The following SYPL1 variants were observed in gnomAD, a reference collection of about 807,000 sequenced individuals.
SYPL1 encodes synaptophysin like 1, also known as synaptophysin-like protein 1.
Under a neutral mutation model 23.7 loss-of-function variants are expected in SYPL1, and 6 were observed. The ratio of observed to expected loss-of-function variants is 0.25; its 90% CI spans 0.14 to 0.50. The LOEUF (loss-of-function observed/expected upper bound fraction) is 0.50. Among genes scored for constraint, SYPL1 ranks in the 20% least tolerant of loss-of-function variants. SYPL1 has a pLI of 0.98. For synonymous variants in SYPL1, 102 were observed against 104.5 expected (o/e 0.98, Z 0.15); for missense variants, 253 against 288.9 (o/e 0.88, Z 0.90).
chr7:106,106,822 G>A (rs1236840287), intron 1 of SYPL1, among the ~76,000 whole-genome samples: 1 of 152,130 alleles, frequency 6.6e-6, no homozygotes, highest in African/African-American at 2.4e-5. Context: ...CTCCAGCCTG[G>A]GTGACAAGAG....
At chr7:106,092,581 G>A (rs1322883119) in intron 4 of SYPL1, 1 of 335,628 alleles carries the variant, frequency 3.0e-6, no homozygotes, top group Non-Finnish European at 5.7e-6. Flanking sequence ...GCTGAGGTAG[G>A]AGAATCACTT....
Position 106,091,425 on chromosome 7 carries a change from A to G in SYPL1, c.*380T>C, listed in dbSNP as rs1317654869. On this transcript the variant is annotated 3_prime_UTR_variant, in exon 5 of 5. Transcript: ENST00000455385. This position sits in a 1 kb window ranked among gnomAD's most constrained non-coding sequence, Gnocchi z 5.0. ...TATATGATCTGTACAAACTTACAGT[A>G]GTGTATATTCCAAATAAAGGTTTTT... is the stretch of plus-strand genomic sequence containing the variant. 1 of 165,708 alleles carries G rather than the reference A, an allele frequency of 6.0e-6. No homozygotes were observed. Among genetic ancestry groups the G allele is most frequent in the African/African-American group, 2.4e-5 (1 of 41,710 alleles). The allele number at this position is 165,708 out of a possible 1,614,324, so 10.3% of individuals were successfully genotyped here.
intron 2 of SYPL1, 110 bp from the exon 3 acceptor site, chr7:106,098,007 T>C (rs909820509): frequency 3.4e-6 from 3 of 893,986 alleles, no homozygotes; most frequent in Admixed American, 5.8e-5. Flanking sequence ...ATTAAAAACA[T>C]TCCTTTGGGG....
chr7:106,098,471 G>T (rs1281692984), intron 2 of SYPL1, among the ~76,000 whole-genome samples: 1 of 152,124 alleles, frequency 6.6e-6, no homozygotes, highest in East Asian at 1.9e-4. Context: ...TTTAATATGG[G>T]GATTTTATTT....
At chr7:106,103,855 G>A (rs749004582) in intron 1 of SYPL1, among the ~76,000 whole-genome samples, 32 of 152,136 alleles carry the variant, frequency 2.1e-4, no homozygotes, top group Non-Finnish European at 4.6e-4. Flanking sequence ...ATCTGATCAT[G>A]TCCTTCCCAT....
rs1475587167 is a variant in SYPL1, at chr7:106,104,767, A to G, written c.70-5485T>C. Among the ~76,000 whole-genome samples the G allele has an allele frequency of 6.6e-6, 1 of 152,220 alleles. No homozygotes were observed. Among genetic ancestry groups the G allele is most frequent in the Admixed American group, 6.5e-5 (1 of 15,284 alleles). On this transcript the variant is annotated intron_variant, in intron 1 of 4. Coordinates refer to ENST00000455385, the MANE Select transcript of SYPL1 (RefSeq NM_182715.4). This position sits in a 1 kb window ranked among gnomAD's most constrained non-coding sequence, Gnocchi z 4.1. ...CAAAAGCACATATTTTATATTAAAC[A>G]AAGTACAAAATTATGAGGGCAAAAT...
rs1158258382 is a variant in SYPL1, at chr7:106,091,277, C to G, written c.*528G>C. The G allele has an allele frequency of 6.6e-6, 1 of 152,074 alleles. No individual in the cohort carries two copies. Among genetic ancestry groups the G allele is most frequent in the Non-Finnish European group, 1.5e-5 (1 of 67,976 alleles). 9.4% of individuals were successfully genotyped at this position (152,074 alleles called of 1,614,324 possible). On this transcript the variant is annotated 3_prime_UTR_variant, in exon 5 of 5. Coordinates refer to ENST00000455385, the MANE Select transcript of SYPL1 (RefSeq NM_182715.4). The surrounding 1 kb of genome is among the most constrained non-coding windows in gnomAD (Gnocchi z 5.0). ...TAGAAAAACAGAAAAAAATATACAC[C>G]TAGTCTTTGCAATTAAAAAAAAATC... is the stretch of plus-strand genomic sequence containing the variant.
intron 4 of SYPL1, 149 bp from the exon 5 acceptor site, chr7:106,092,088 G>T: frequency 1.4e-6 from 1 of 735,322 alleles, no homozygotes; most frequent in Non-Finnish European, 2.1e-6. Context: ...CACACAATGA[G>T]AAATAAGGAA....
chr7:106,107,602 C>T (rs1052799723), intron 1 of SYPL1, among the ~76,000 whole-genome samples: 2 of 151,660 alleles, frequency 1.3e-5, no homozygotes, highest in African/African-American at 4.8e-5. Flanking sequence ...ATTAGCCGGG[C>T]AAGGTGGCAC....
chr7:106,105,481 C>T (rs1840543477), intron 1 of SYPL1, among the ~76,000 whole-genome samples: 2 of 148,444 alleles, frequency 1.3e-5, no homozygotes, highest in Non-Finnish European at 3.0e-5. Context: ...TCCAGAGAAA[C>T]AGTCCCACTT....
At chr7:106,108,298 G>C (rs188926207) in intron 1 of SYPL1, among the ~76,000 whole-genome samples, 112 of 152,072 alleles carry the variant, frequency 7.4e-4, no homozygotes, top group Non-Finnish European at 1.1e-3. Context: ...TTGTTGATCT[G>C]GCTGGCTGTC....
chr7:106,107,246 T>C (rs1326912522), intron 1 of SYPL1, among the ~76,000 whole-genome samples: 2 of 147,776 alleles, frequency 1.4e-5, no homozygotes, highest in African/African-American at 2.7e-5. Flanking sequence ...GTATGATTTT[T>C]ATGAGTCAAA....
intron 1 of SYPL1, among the ~76,000 whole-genome samples, chr7:106,106,904 C>G (rs1030507271): frequency 6.6e-6 from 1 of 152,176 alleles, no homozygotes; most frequent in Non-Finnish European, 1.5e-5. Flanking sequence ...TATTGCTAGA[C>G]CATGCTAATT....
In SYPL1 at chr7:106,090,547, A is replaced by C. The variant is rs997794675; in HGVS notation, c.*1258T>G. On this transcript the variant is annotated 3_prime_UTR_variant, in exon 5 of 5. Coordinates refer to ENST00000455385, the MANE Select transcript of SYPL1 (RefSeq NM_182715.4). ...ATTAAATTGGTTGCAAAAAAGATAT[A>C]CATTCTTATATTGACAATTCTTGTC... 1 of 152,666 alleles carries C rather than the reference A, an allele frequency of 6.6e-6. No homozygotes were observed. Among genetic ancestry groups the C allele is most frequent in the African/African-American group, 2.4e-5 (1 of 41,468 alleles). 9.5% of individuals were successfully genotyped at this position (152,666 alleles called of 1,614,324 possible).
In SYPL1 at chr7:106,097,434, C is replaced by G. The variant is rs1258195284; in HGVS notation, c.402+256G>C. On this transcript the variant is annotated intron_variant, in intron 3 of 4. Transcript: ENST00000455385. This position sits in a 1 kb window ranked among gnomAD's most constrained non-coding sequence, Gnocchi z 4.6. ...ACTTAATTTTTTTGCTATTTGTAAC[C>G]TGATGTGCTTTATTACATATCTGAG... Among the ~76,000 whole-genome samples the G allele has an allele frequency of 2.0e-5, 3 of 151,820 alleles. No homozygotes were observed. Among genetic ancestry groups the G allele is most frequent in the Admixed American group, 2.0e-4 (3 of 15,244 alleles).
intron 1 of SYPL1, among the ~76,000 whole-genome samples, chr7:106,101,381 T>G (rs922468363): frequency 7.0e-6 from 1 of 141,952 alleles, no homozygotes; most frequent in Non-Finnish European, 1.5e-5. Flanking sequence ...GGGCCTTGAA[T>G]CTTGTAGGCC....
In SYPL1 at chr7:106,112,291, G is replaced by C; in HGVS notation, c.-83C>G. On this transcript the variant is annotated 5_prime_UTR_variant, in exon 1 of 5. Coordinates refer to ENST00000455385, the MANE Select transcript of SYPL1 (RefSeq NM_182715.4). ...GAGACCAGAGCAGCCCGGTGGCGAG[G>C]AAGGGCAGGCGGGGCTGGCGCGCTG... is the stretch of plus-strand genomic sequence containing the variant. 7.2e-7 allele frequency: 1 copy of C among 1,391,012 alleles called. No individual in the cohort carries two copies. Among genetic ancestry groups the C allele is most frequent in the Non-Finnish European group, 9.5e-7 (1 of 1,055,896 alleles). The allele number at this position is 1,391,012 out of a possible 1,614,324, so 86.2% of individuals were successfully genotyped here. A position where few individuals can be genotyped will look rare whatever the true frequency, so the allele number is the denominator to read the frequency against.
Position 106,104,378 on chromosome 7 carries a change from A to T in SYPL1, c.70-5096T>A, listed in dbSNP as rs1840482699. ...GGGCAACACAGTGAGACCCTGTCTT[A>T]AAAATAAAATAAAATAAAAAAATTA... On this transcript the variant is annotated intron_variant, in intron 1 of 4. Coordinates refer to ENST00000455385, the MANE Select transcript of SYPL1 (RefSeq NM_182715.4). This position sits in a 1 kb window ranked among gnomAD's most constrained non-coding sequence, Gnocchi z 4.1. Among the ~76,000 whole-genome samples, 1 of 152,212 alleles carries T rather than the reference A, an allele frequency of 6.6e-6. No individual in the cohort carries two copies. Among genetic ancestry groups the T allele is most frequent in the Non-Finnish European group, 1.5e-5 (1 of 68,036 alleles).
chr7:106,112,299 G>T lies in SYPL1; in HGVS notation c.-91C>A, dbSNP rs998105984. 2.9e-6 allele frequency: 4 copies of T among 1,356,196 alleles called. No individual in the cohort carries two copies. The highest frequency in any genetic ancestry group is 2.9e-6 in the Non-Finnish European group (3 of 1,042,874). 84.0% of individuals were successfully genotyped at this position (1,356,196 alleles called of 1,614,324 possible). ...AGCAGCCCGGTGGCGAGGAAGGGCA[G>T]GCGGGGCTGGCGCGCTGGCCGGGCT... On this transcript the variant is annotated 5_prime_UTR_variant, in exon 1 of 5. The change creates a new upstream start codon in the 5' untranslated region. Transcript: ENST00000455385.
Sources: allele counts gnomAD v4.1 joint callset (sites outside exome capture counted in the v4.1 genomes callset), GRCh38; gene constraint gnomAD v4.1.1; non-coding constraint Gnocchi (gnomAD v3.1); transcripts MANE v1.5; gene names NCBI Gene and HGNC (gene_info 2026-07-23, HGNC 2026-07-21).